The following MAP3K19 variants were observed in gnomAD, a reference collection of about 807,000 sequenced individuals.
MAP3K19 encodes SPS1/STE20-related protein kinase YSK4.
MAP3K19 carries 91 observed loss-of-function variants against 114.4 expected under a neutral mutation model. That is an observed-to-expected ratio of 0.80 (90% CI 0.67 to 0.95). The LOEUF is 0.95. Ranked by LOEUF, MAP3K19 falls within the 40% of genes least tolerant of loss-of-function variation. MAP3K19 has a pLI of 0.00. For synonymous variants in MAP3K19, 518 were observed against 530.5 expected, an observed-to-expected ratio of 0.98 and a Z score of 0.32; for missense variants, 1,471 against 1,573.2, an observed-to-expected ratio of 0.94 and a Z score of 1.10.
chr2:135,036,076 C>T (rs567369407), intron 2 of MAP3K19, among the ~76,000 whole-genome samples: 41 of 152,180 alleles, frequency 2.7e-4, no homozygotes, highest in Non-Finnish European at 4.6e-4. Flanking sequence ...TCAAGTGATC[C>T]GCCCGCCTCA....
At chr2:134,965,583 T>C (rs1217522305) in intron 12 of MAP3K19, among the ~76,000 whole-genome samples, 2 of 152,218 alleles carry the variant, frequency 1.3e-5, no homozygotes, top group Non-Finnish European at 2.9e-5. Flanking sequence ...GGCATTCTTT[T>C]GGTTAAATTG....
At chr2:134,985,704 G>A in intron 10 of MAP3K19, 96 bp downstream of exon 10, 1 of 1,114,488 alleles carries the variant, frequency 9.0e-7, no homozygotes, top group Non-Finnish European at 1.3e-6. Context: ...AATTGTTTAG[G>A]GTTTATAATT....
At chr2:134,993,347 A>G (rs75292986) in intron 8 of MAP3K19, among the ~76,000 whole-genome samples, 3,241 of 152,310 alleles carry the variant, frequency 0.021, 120 homozygotes, top group African/African-American at 0.073. Flanking sequence ...AGAGGACCCC[A>G]ACAGGCAACA....
intron 12 of MAP3K19, among the ~76,000 whole-genome samples, chr2:134,975,480 C>T (rs1023538365): frequency 6.6e-6 from 1 of 152,164 alleles, no homozygotes; most frequent in Non-Finnish European, 1.5e-5. Context: ...TTGACCTTTC[C>T]TCAGGCCCTC....
intron 2 of MAP3K19, among the ~76,000 whole-genome samples, chr2:135,039,967 T>A: frequency 6.6e-6 from 1 of 152,210 alleles, no homozygotes; most frequent in Non-Finnish European, 1.5e-5. Context: ...GCCTTATTAT[T>A]CACGTATTTA....
At chr2:135,017,202 T>A (rs1687634774) in intron 5 of MAP3K19, among the ~76,000 whole-genome samples, 2 of 152,220 alleles carry the variant, frequency 1.3e-5, no homozygotes, top group Non-Finnish European at 2.9e-5. Context: ...TATTGCTATT[T>A]ACCTGTTGGT....
chr2:135,013,963 C>T (rs181813861), intron 5 of MAP3K19, among the ~76,000 whole-genome samples: 2 of 152,220 alleles, frequency 1.3e-5, no homozygotes, highest in Admixed American at 6.5e-5. Flanking sequence ...AAAGGTATAT[C>T]AGAAGTAATA....
chr2:134,995,865 A>G (rs1324302500), intron 8 of MAP3K19, among the ~76,000 whole-genome samples: 2 of 152,204 alleles, frequency 1.3e-5, no homozygotes, highest in African/African-American at 4.8e-5. Flanking sequence ...ATGAAGCCCA[A>G]ACTGAACAAT....
Position 134,987,160 on chromosome 2 carries a change from G to C in MAP3K19, c.1712C>G (p.Thr571Arg), listed in dbSNP as rs377116194. ...KPTMHKTSIK[T>R]QIFPALGLVD... ...AAGTCCCAAAGCCGGGAAAATTTGT[G>C]TTTTTATGCTGGTTTTATGCATGGT... The change falls in exon 10 of 13, where the codon ACA becomes AGA. Residue 571 changes from threonine to arginine, a missense_variant. Physicochemically the swap from Thr to Arg is moderately conservative, Grantham distance 71. Transcript: ENST00000392915. 2 of 1,614,044 alleles carry C rather than the reference G, an allele frequency of 1.2e-6. No homozygotes were observed. The highest frequency in any genetic ancestry group is 2.7e-5 in the African/African-American group (2 of 74,916).
chr2:134,982,597 G>A (rs568779763), intron 11 of MAP3K19, among the ~76,000 whole-genome samples: 1 of 152,026 alleles, frequency 6.6e-6, no homozygotes, highest in African/African-American at 2.4e-5. Context: ...TGATCCACCC[G>A]CCTCGGCCTC....
chr2:134,966,777 T>C (rs2105123299), intron 12 of MAP3K19, among the ~76,000 whole-genome samples: 1 of 152,284 alleles, frequency 6.6e-6, no homozygotes, highest in East Asian at 1.9e-4. Flanking sequence ...TCTTACCCTG[T>C]CTTCTTGCCA....
At chr2:134,968,400 C>G (rs1474971513) in intron 12 of MAP3K19, among the ~76,000 whole-genome samples, 2 of 149,954 alleles carry the variant, frequency 1.3e-5, no homozygotes, top group Non-Finnish European at 3.0e-5. Flanking sequence ...GGGTGGTGGC[C>G]GGGCAGAGGG....
intron 12 of MAP3K19, among the ~76,000 whole-genome samples, chr2:134,973,350 T>G (rs1684005452): frequency 6.6e-6 from 1 of 152,182 alleles, no homozygotes. Context: ...TCTGGCTGAA[T>G]TTTTCTCTTT....
intron 6 of MAP3K19, among the ~76,000 whole-genome samples, chr2:135,003,350 T>A (rs546342700): frequency 2.5e-4 from 38 of 152,324 alleles, no homozygotes; most frequent in Middle Eastern, 6.8e-3. Flanking sequence ...ATTCCCTTCC[T>A]TTTTAACCCA....
At chr2:134,973,013 T>C (rs752040861) in intron 12 of MAP3K19, among the ~76,000 whole-genome samples, 1 of 152,218 alleles carries the variant, frequency 6.6e-6, no homozygotes. Flanking sequence ...ATGATTTTGA[T>C]TTTTAAAAAT....
intron 5 of MAP3K19, among the ~76,000 whole-genome samples, chr2:135,020,923 A>T (rs1687929381): frequency 6.6e-6 from 1 of 152,202 alleles, no homozygotes; most frequent in Non-Finnish European, 1.5e-5. Context: ...ACCCAGTCTC[A>T]GGTAGTATCT....
chr2:135,023,008 G>T (rs2105374676), intron 4 of MAP3K19, among the ~76,000 whole-genome samples: 1 of 152,026 alleles, frequency 6.6e-6, no homozygotes, highest in Non-Finnish European at 1.5e-5. Flanking sequence ...CTGCTATCCT[G>T]GCTTCTTCTA....
chr2:134,998,905 A>T lies in MAP3K19; in HGVS notation c.407T>A (p.Leu136Gln). 1 of 1,614,202 alleles carries T rather than the reference A, an allele frequency of 6.2e-7. No individual in the cohort carries two copies. The highest frequency in any genetic ancestry group is 8.5e-7 in the Non-Finnish European group (1 of 1,180,036). Reference protein sequence around the residue: ...IETVELRKKKLTMRPLVLQKE... With the variant: ...IETVELRKKKQTMRPLVLQKE... ...TTGCAAAACTAAGGGCCGCATGGTC[A>T]GCTTCTTTTTCCTGAGCTCCACCGT... The change falls in exon 8 of 13, where the codon CTG (leucine) becomes CAG (glutamine). Residue 136 changes from leucine (L) to glutamine (Q), a missense_variant. Leu to Gln is a moderately radical substitution (Grantham distance 113). Transcript: ENST00000392915.
intron 12 of MAP3K19, among the ~76,000 whole-genome samples, chr2:134,974,202 T>C (rs1304846288): frequency 6.6e-6 from 1 of 152,150 alleles, no homozygotes; most frequent in Non-Finnish European, 1.5e-5. Flanking sequence ...ATTTTCTCCA[T>C]GTTGGTCAGG....
Sources: allele counts gnomAD v4.1 joint callset (sites outside exome capture counted in the v4.1 genomes callset), GRCh38; gene constraint gnomAD v4.1.1; transcripts MANE v1.5; gene names NCBI Gene and HGNC (gene_info 2026-07-23, HGNC 2026-07-21).